The following MACROD2 variants were observed in gnomAD, a reference collection of about 807,000 sequenced individuals.
The protein encoded by MACROD2 is mono-ADP ribosylhydrolase 2.
Under a neutral mutation model 70.4 loss-of-function variants are expected in MACROD2, and 36 were observed. The ratio of observed to expected loss-of-function variants is 0.51; its 90% CI spans 0.39 to 0.68. The LOEUF (loss-of-function observed/expected upper bound fraction) is 0.68. MACROD2 is among the 30% of genes least tolerant of loss of function. The pLI is 0.00. For synonymous variants in MACROD2, 172 were observed against 178.8 expected (o/e 0.96, Z 0.30); for missense variants, 496 against 538.4 (o/e 0.92, Z 0.78).
At chr20:15,654,456 T>C (rs1390598154) in intron 8 of MACROD2, among the ~76,000 whole-genome samples, 1 of 152,194 alleles carries the variant, frequency 6.6e-6, no homozygotes, top group African/African-American at 2.4e-5. Context: ...GCAAAAGTAA[T>C]TGCGGCTTTT....
intron 3 of MACROD2, among the ~76,000 whole-genome samples, chr20:14,390,647 T>C (rs571161405): frequency 6.6e-6 from 1 of 152,258 alleles, no homozygotes; most frequent in East Asian, 1.9e-4. Flanking sequence ...TGGGGAAAGA[T>C]TCCATGTTCA....
intron 6 of MACROD2, among the ~76,000 whole-genome samples, chr20:15,313,206 C>T (rs1363727113): frequency 1.3e-5 from 2 of 151,918 alleles, no homozygotes; most frequent in African/African-American, 4.8e-5. Flanking sequence ...GAAATTTTGC[C>T]TTTTAAAAAA....
intron 2 of MACROD2, among the ~76,000 whole-genome samples, chr20:14,078,687 C>G (rs928511682): frequency 6.6e-6 from 1 of 152,150 alleles, no homozygotes; most frequent in Non-Finnish European, 1.5e-5. Context: ...GGATTACAGG[C>G]GTGAGCCACC....
intron 6 of MACROD2, among the ~76,000 whole-genome samples, chr20:15,326,316 C>G (rs1235373547): frequency 6.6e-6 from 1 of 151,762 alleles, no homozygotes; most frequent in Non-Finnish European, 1.5e-5. Flanking sequence ...ACATACAGCC[C>G]CCTTTAAACC....
At chr20:15,421,405 T>G (rs1322751434) in intron 6 of MACROD2, among the ~76,000 whole-genome samples, 2 of 151,888 alleles carry the variant, frequency 1.3e-5, no homozygotes, top group Non-Finnish European at 2.9e-5. Context: ...AAAAAGAATA[T>G]GGGTTGCCAG....
In MACROD2 at chr20:15,797,282, T is replaced by A. The variant is rs147388438; in HGVS notation, c.646-65463T>A. ...GCCTCCGCTACCACGCCCGGCTAAT[T>A]TTTTTGTATTTTTTAGTAGAGACGG... On this transcript the variant is annotated intron_variant, in intron 8 of 17. Transcript: ENST00000684519. Among the ~76,000 whole-genome samples the A allele has an allele frequency of 5.5e-3, 841 of 152,046 alleles. 11 individuals carry two copies. The highest frequency in any genetic ancestry group is 0.02 in the African/African-American group (812 of 41,506).
intron 3 of MACROD2, among the ~76,000 whole-genome samples, chr20:14,440,010 G>A (rs2084103974): frequency 6.6e-6 from 1 of 152,032 alleles, no homozygotes; most frequent in African/African-American, 2.4e-5. Context: ...CATCCCGTAG[G>A]TCATCTCTGA....
chr20:15,931,469 C>T (rs1047504758), intron 10 of MACROD2, among the ~76,000 whole-genome samples: 14 of 152,014 alleles, frequency 9.2e-5, no homozygotes, highest in Non-Finnish European at 4.4e-5. Flanking sequence ...AAGCAAGACC[C>T]TTTCTCTCCA....
At chr20:14,755,822 A>G (rs1279812671) in intron 5 of MACROD2, among the ~76,000 whole-genome samples, 3 of 152,064 alleles carry the variant, frequency 2.0e-5, no homozygotes. Context: ...TTCTATCAAT[A>G]GGAAGAACTT....
intron 8 of MACROD2, among the ~76,000 whole-genome samples, chr20:15,545,165 G>C (rs1057023031): frequency 6.6e-6 from 1 of 152,198 alleles, no homozygotes; most frequent in Non-Finnish European, 1.5e-5. Flanking sequence ...AATATTATTT[G>C]TTCATCTTGC....
chr20:15,526,011 C>G (rs576705215), intron 8 of MACROD2, among the ~76,000 whole-genome samples: 1 of 152,124 alleles, frequency 6.6e-6, no homozygotes, highest in Non-Finnish European at 1.5e-5. Flanking sequence ...TTTTTAACAT[C>G]TAATAAAATA....
intron 3 of MACROD2, among the ~76,000 whole-genome samples, chr20:14,103,885 C>T (rs1333618120): frequency 6.6e-6 from 1 of 152,118 alleles, no homozygotes; most frequent in African/African-American, 2.4e-5. Flanking sequence ...CTGCGACAAA[C>T]ATCCTAGCAC....
chr20:14,811,781 A>G (rs1485766983), intron 5 of MACROD2, among the ~76,000 whole-genome samples: 2 of 152,162 alleles, frequency 1.3e-5, no homozygotes, highest in East Asian at 1.9e-4. Context: ...ATGAATGGAC[A>G]CTTCTCAAAA....
intron 5 of MACROD2, among the ~76,000 whole-genome samples, chr20:14,984,605 T>C (rs2074832213): frequency 6.6e-6 from 1 of 152,186 alleles, no homozygotes; most frequent in Admixed American, 6.6e-5. Flanking sequence ...AAGTTGTCAA[T>C]GGCATCTAAT....
At chr20:14,732,785 A>G (rs1376118924) in intron 5 of MACROD2, among the ~76,000 whole-genome samples, 1 of 151,916 alleles carries the variant, frequency 6.6e-6, no homozygotes, top group Non-Finnish European at 1.5e-5. Flanking sequence ...TCCCCCTTCA[A>G]TCTTTGATTA....
Position 14,312,574 on chromosome 20 carries a change from A to G in MACROD2, c.272-180905A>G, listed in dbSNP as rs2082576638. Among the ~76,000 whole-genome samples, 3 of 152,200 alleles carry G rather than the reference A, an allele frequency of 2.0e-5. No individual in the cohort carries two copies. In the South Asian group the frequency reaches 6.2e-4, roughly 31 times the overall value. On this transcript the variant is annotated intron_variant, in intron 3 of 17. Transcript: ENST00000684519. ...GAGACGAAATAATTTGCCCAGAGCC[A>G]AATAAGTAACATATGGGAAAACTTG...
intron 5 of MACROD2, among the ~76,000 whole-genome samples, chr20:14,794,774 A>T (rs1345949688): frequency 6.6e-6 from 1 of 152,140 alleles, no homozygotes; most frequent in African/African-American, 2.4e-5. Context: ...ATCAAAGTTA[A>T]CAAGACCGCC....
rs546322596 is a variant in MACROD2, at chr20:14,959,760, G to A, written c.419-270180G>A. Among the ~76,000 whole-genome samples, 19 of 152,288 alleles carry A rather than the reference G, an allele frequency of 1.2e-4. No individual in the cohort carries two copies. In the South Asian group the frequency reaches 1.5e-3, roughly 12 times the overall value. ...CCTCTTTGTAAGCCCTATTCCATCT[G>A]CCTGGTTGGTTTTGGCAGGATGGCT... On this transcript the variant is annotated intron_variant, in intron 5 of 17. Transcript: ENST00000684519.
intron 11 of MACROD2, among the ~76,000 whole-genome samples, chr20:15,934,675 GTTTGTTT>G (rs527855370): frequency 0.012 from 1,850 of 151,770 alleles, 13 homozygotes; most frequent in South Asian, 0.021. Context: ...TGTTTTTTTT[GTTTGTTT>G]TTTGTTTTTT....
Sources: gnomAD v4.1 joint callset for allele counts (sites outside exome capture counted in the v4.1 genomes callset) on GRCh38, gnomAD v4.1.1 for gene constraint, MANE v1.5 for transcripts, NCBI Gene and HGNC (gene_info 2026-07-23, HGNC 2026-07-21) for gene names.